Variants in UTP4 observed in about 807,000 individuals in gnomAD.
The protein encoded by UTP4 is U3 small nucleolar RNA-associated protein 4 homolog.
In UTP4, 45 loss-of-function variants were observed where a neutral mutation model predicts 82.4. That is an observed-to-expected ratio of 0.55 (90% CI 0.43 to 0.70). The LOEUF (loss-of-function observed/expected upper bound fraction) is 0.70. UTP4 is among the 30% of genes least tolerant of loss of function. The pLI is 0.00. For synonymous variants in UTP4, 348 were observed against 300.3 expected (o/e 1.16, Z -1.64); for missense variants, 819 against 858.3 (o/e 0.95, Z 0.57).
chr16:69,164,586 T>TTATATATATATA (rs58927210), intron 14 of UTP4, among the ~76,000 whole-genome samples: 50 of 132,510 alleles, frequency 3.8e-4, no homozygotes, highest in African/African-American at 7.8e-4. Flanking sequence ...TAATCATTCT[T>TTATATATATATA]TATATATATA....
At position 69,154,540 on chromosome 16, in the gene UTP4, G is replaced by A. The variant is rs552756963; in HGVS notation, c.1164+83G>A. 56 of 1,013,760 alleles carry A rather than the reference G, an allele frequency of 5.5e-5. No individual in the cohort carries two copies. In the African/African-American group the frequency reaches 7.0e-4, roughly 13 times the overall value. 62.8% of individuals were successfully genotyped at this position (1,013,760 alleles called of 1,614,324 possible). ...CCATTCTGAATTTTGAGGTTACTTA[G>A]TTTGCATCATAAATTGTATAAATTC... On this transcript the variant is annotated intron_variant, in intron 10 of 16. Coordinates refer to ENST00000314423, the MANE Select transcript of UTP4 (RefSeq NM_032830.3).
intron 14 of UTP4, among the ~76,000 whole-genome samples, chr16:69,164,952 T>A (rs990348214): frequency 2.9e-4 from 44 of 152,132 alleles, no homozygotes; most frequent in Admixed American, 7.2e-4. Context: ...TCCCAGCACT[T>A]TGGGAGGCTG....
intron 2 of UTP4, among the ~76,000 whole-genome samples, chr16:69,136,271 A>G (rs910723469): frequency 5.3e-5 from 8 of 152,186 alleles, no homozygotes; most frequent in African/African-American, 1.7e-4. Context: ...GCTCACGCCT[A>G]TAATCCCAGG....
chr16:69,163,276 T>G (rs925386653), intron 14 of UTP4, 98 bp downstream of exon 14: 2 of 964,556 alleles, frequency 2.1e-6, no homozygotes, highest in Non-Finnish European at 3.4e-6. Context: ...TTTGAAGGTG[T>G]TGGAGGATAT....
chr16:69,134,846 C>A (rs1008298011), intron 2 of UTP4, among the ~76,000 whole-genome samples: 6 of 151,046 alleles, frequency 4.0e-5, no homozygotes, highest in Non-Finnish European at 1.5e-5. Context: ...TGCCACCATG[C>A]CTCGCTAATT....
chr16:69,153,686 A>C lies in UTP4; in HGVS notation c.1099+6A>C. On this transcript the variant is annotated splice_donor_region_variant and intron_variant, in intron 9 of 16. Coordinates refer to ENST00000314423, the MANE Select transcript of UTP4 (RefSeq NM_032830.3). ...GGGATCCACAGTTGCAACAGGTAAG[A>C]TGGGAGCACGTTTTTTTCAATAAGA... 1 of 1,596,252 alleles carries C rather than the reference A, an allele frequency of 6.3e-7. No individual in the cohort carries two copies. Among genetic ancestry groups the C allele is most frequent in the South Asian group, 1.1e-5 (1 of 90,030 alleles).
chr16:69,137,209 G>A (rs1002006657), intron 3 of UTP4, among the ~76,000 whole-genome samples: 1 of 152,170 alleles, frequency 6.6e-6, no homozygotes, highest in Non-Finnish European at 1.5e-5. Context: ...CACAAATACA[G>A]CATATTTAAT....
intron 5 of UTP4, among the ~76,000 whole-genome samples, chr16:69,140,407 G>A (rs547672691): frequency 7.2e-5 from 11 of 152,208 alleles, no homozygotes; most frequent in East Asian, 3.9e-4. Context: ...CTGTATTTCC[G>A]TCTGAGATGC....
chr16:69,133,102 A>G (rs1269089454), intron 1 of UTP4: 2 of 313,516 alleles, frequency 6.4e-6, no homozygotes, highest in Non-Finnish European at 1.2e-5. Context: ...CTGCCCCATC[A>G]GCCTCACTGT....
At chr16:69,164,227 A>C (rs1431862998) in intron 14 of UTP4, among the ~76,000 whole-genome samples, 1 of 152,032 alleles carries the variant, frequency 6.6e-6, no homozygotes, top group Non-Finnish European at 1.5e-5. Flanking sequence ...CACACTGTCC[A>C]AAAAGTGAAA....
At position 69,160,474 on chromosome 16, in the gene UTP4, G is replaced by A; in HGVS notation, c.1551+12G>A. 1 of 1,597,464 alleles carries A rather than the reference G, an allele frequency of 6.3e-7. No homozygotes were observed. Among genetic ancestry groups the A allele is most frequent in the Non-Finnish European group, 8.6e-7 (1 of 1,164,840 alleles). On this transcript the variant is annotated intron_variant, in intron 13 of 16. Coordinates refer to ENST00000314423, the MANE Select transcript of UTP4 (RefSeq NM_032830.3). ...TAAAACAGCTAAAGGTGAGCATAGGGTTTCATGGCAGCAGTTTGAATCATT... is the reference window on the plus strand; with the variant it reads ...TAAAACAGCTAAAGGTGAGCATAGGATTTCATGGCAGCAGTTTGAATCATT...
At chr16:69,141,049 GTC>G (rs1230085947) in intron 5 of UTP4, among the ~76,000 whole-genome samples, 1 of 152,108 alleles carries the variant, frequency 6.6e-6, no homozygotes, top group African/African-American at 2.4e-5. Flanking sequence ...TAGTGTCTCT[GTC>G]TCTCTGTCTT....
intron 14 of UTP4, 39 bp from the exon 15 acceptor site, chr16:69,165,302 G>A (rs749401234): frequency 2.5e-6 from 4 of 1,586,962 alleles, no homozygotes; most frequent in Non-Finnish European, 3.5e-6. Flanking sequence ...GTCTTTCTGA[G>A]TACCAGCCTG....
chr16:69,154,318 G>A (rs1436784116), intron 9 of UTP4, 75 bp from the exon 10 acceptor site: 2 of 1,201,930 alleles, frequency 1.7e-6, no homozygotes, highest in Admixed American at 1.8e-5. Context: ...TTTCCAAGGA[G>A]TAACTTTTTA....
chr16:69,157,850 C>T (rs1301655064), intron 12 of UTP4, among the ~76,000 whole-genome samples: 1 of 129,202 alleles, frequency 7.7e-6, no homozygotes. Context: ...TCCCATCCTG[C>T]CCTCCCAGCT....
At chr16:69,146,065 T>G (rs1454968391) in intron 6 of UTP4, among the ~76,000 whole-genome samples, 1 of 150,958 alleles carries the variant, frequency 6.6e-6, no homozygotes, top group Non-Finnish European at 1.5e-5. Context: ...TGTGCCGTTG[T>G]GCTCCAGCCT....
intron 12 of UTP4, among the ~76,000 whole-genome samples, chr16:69,158,503 G>T (rs1879265718): frequency 6.6e-6 from 1 of 151,948 alleles, no homozygotes; most frequent in Non-Finnish European, 1.5e-5. Context: ...CTGTTCATAA[G>T]CTGATCCAGA....
intron 2 of UTP4, among the ~76,000 whole-genome samples, chr16:69,135,466 G>A (rs976849251): frequency 3.3e-5 from 5 of 152,016 alleles, no homozygotes; most frequent in African/African-American, 7.3e-5. Context: ...TAAACCCAGC[G>A]CTTTGGGAAG....
chr16:69,158,799 G>A (rs1289717889), intron 12 of UTP4, among the ~76,000 whole-genome samples: 1 of 151,964 alleles, frequency 6.6e-6, no homozygotes, highest in Non-Finnish European at 1.5e-5. Flanking sequence ...CCCATCCTTT[G>A]GCAGCTGGGT....
Sources: allele counts gnomAD v4.1 joint callset (sites outside exome capture counted in the v4.1 genomes callset), GRCh38; gene constraint gnomAD v4.1.1; transcripts MANE v1.5; gene names NCBI Gene and HGNC (gene_info 2026-07-23, HGNC 2026-07-21).